Variants in ESRRA observed in about 807,000 individuals in gnomAD.
The protein encoded by ESRRA is estrogen related receptor alpha, also known as steroid hormone receptor ERR1.
In ESRRA, 7 loss-of-function variants were observed where a neutral mutation model predicts 35.6. The ratio of observed to expected loss-of-function variants is 0.20; its 90% CI spans 0.11 to 0.37. The LOEUF (loss-of-function observed/expected upper bound fraction) is 0.37. ESRRA is among the 10% of genes least tolerant of loss of function. The probability of loss-of-function intolerance (pLI) is 1.00; values close to 1 mark genes in which losing one functional copy is unlikely to be tolerated. For synonymous variants in ESRRA, 223 were observed against 246.9 expected, an observed-to-expected ratio of 0.90 and a Z score of 0.91; for missense variants, 378 against 561.7, an observed-to-expected ratio of 0.67 and a Z score of 3.31.
Position 64,316,276 on chromosome 11 carries a change from A to G in ESRRA, c.*310A>G, listed in dbSNP as rs887281778. 3.4e-6 allele frequency: 1 copy of G among 297,346 alleles called. No homozygotes were observed. The highest frequency in any genetic ancestry group is 6.4e-6 in the Non-Finnish European group (1 of 157,016). 18.4% of individuals were successfully genotyped at this position (297,346 alleles called of 1,614,324 possible). A position where few individuals can be genotyped will look rare whatever the true frequency, so the allele number is the denominator to read the frequency against. On this transcript the variant is annotated 3_prime_UTR_variant, in exon 7 of 7. Transcript: ENST00000000442. ...CGGGATGCGTGGGAGGCAGAAACCTATCTCAGGGAGGGAAGGGGATGGAGG... is the reference window on the plus strand; with the variant it reads ...CGGGATGCGTGGGAGGCAGAAACCTGTCTCAGGGAGGGAAGGGGATGGAGG...
chr11:64,315,909 G>A lies in ESRRA; in HGVS notation c.1215G>A (p.Glu405=). The A allele has an allele frequency of 6.2e-7, 1 of 1,603,840 alleles. No homozygotes were observed. The highest frequency in any genetic ancestry group is 8.5e-7 in the Non-Finnish European group (1 of 1,173,992). ...CCCATTTCTATGGGGTGAAGCTGGAGGGCAAGGTGCCCATGCACAAGCTGT... is the reference window on the plus strand; with the variant it reads ...CCCATTTCTATGGGGTGAAGCTGGAAGGCAAGGTGCCCATGCACAAGCTGT... ...VLAHFYGVKL[E]GKVPMHKLFL... The change falls in exon 7 of 7, where the codon GAG becomes GAA. Residue 405 remains glutamate, a synonymous_variant. Transcript: ENST00000000442.
At chr11:64,314,711 C>T (rs1248812836) in intron 4 of ESRRA, 30 bp from the exon 5 acceptor site, 2 of 1,597,152 alleles carry the variant, frequency 1.3e-6, no homozygotes, top group Non-Finnish European at 1.7e-6. Flanking sequence ...GATTCGAGTG[C>T]TCCTGACTCT....
chr11:64,311,109 G>A (rs41294396), intron 2 of ESRRA, among the ~76,000 whole-genome samples: 18,271 of 152,262 alleles, frequency 0.12, 1,390 homozygotes, highest in Middle Eastern at 0.16. Context: ...ACCCAACTCT[G>A]TGGGGCACTT....
intron 2 of ESRRA, among the ~76,000 whole-genome samples, chr11:64,310,303 C>T (rs1259739174): frequency 2.0e-5 from 3 of 149,186 alleles, no homozygotes; most frequent in Admixed American, 6.7e-5. Context: ...GGCACGATCT[C>T]GGCTCACTGC....
intron 2 of ESRRA, among the ~76,000 whole-genome samples, chr11:64,312,595 G>A (rs2035163220): frequency 6.6e-6 from 1 of 152,252 alleles, no homozygotes; most frequent in Non-Finnish European, 1.5e-5. Flanking sequence ...CCATGTGCCA[G>A]GCCTCGTTGC....
chr11:64,307,787 G>A (rs1162400644), intron 2 of ESRRA, among the ~76,000 whole-genome samples: 3 of 152,260 alleles, frequency 2.0e-5, no homozygotes, highest in South Asian at 2.1e-4. Context: ...GCCTCTGTCT[G>A]TTCCTAAGCT....
Position 64,314,866 on chromosome 11 carries a change from G to T in ESRRA, c.697G>T (p.Asp233Tyr). ...PAVATLCDLF[D>Y]REIVVTISWA... ...CGTGGCTACCCTCTGTGACCTCTTT[G>T]ACCGAGAGATTGTGGTCACCATCAG... The change falls in exon 5 of 7, where the codon GAC becomes TAC. Residue 233 changes from aspartate to tyrosine, a missense_variant. Asp to Tyr is a radical substitution (Grantham distance 160). Transcript: ENST00000000442. The T allele has an allele frequency of 6.2e-7, 1 of 1,612,410 alleles. No homozygotes were observed. The highest frequency in any genetic ancestry group is 8.5e-7 in the Non-Finnish European group (1 of 1,180,018).
Position 64,305,956 on chromosome 11 carries a change from G to T in ESRRA, c.-13+220G>T, listed in dbSNP as rs1311568713. 6.6e-6 allele frequency among the ~76,000 whole-genome samples: 1 copy of T among 152,006 alleles called. No individual in the cohort carries two copies. On this transcript the variant is annotated intron_variant, in intron 1 of 6. Coordinates refer to ENST00000000442, the MANE Select transcript of ESRRA (RefSeq NM_004451.5). The surrounding 1 kb of genome is among the most constrained non-coding windows in gnomAD (Gnocchi z 5.8). ...GTGGGCCGGCCTGGGGCAGGATCTG[G>T]CTCTGGCTGCGGGTCCTGACTCGGG...
intron 2 of ESRRA, among the ~76,000 whole-genome samples, chr11:64,309,932 C>CAAAAAAA (rs35187370): frequency 1.3e-5 from 1 of 74,558 alleles, no homozygotes; most frequent in Non-Finnish European, 2.9e-5. Context: ...GAGTTCGTAT[C>CAAAAAAA]AAAAAAAAAA....
Position 64,313,696 on chromosome 11 carries a change from G to C in ESRRA, c.326-255G>C, listed in dbSNP as rs2035184164. The C allele has an allele frequency of 4.6e-6, 2 of 439,468 alleles. No homozygotes were observed. Among genetic ancestry groups the C allele is most frequent in the Non-Finnish European group, 8.2e-6 (2 of 244,868 alleles). 27.2% of individuals were successfully genotyped at this position (439,468 alleles called of 1,614,324 possible). On this transcript the variant is annotated intron_variant, in intron 2 of 6. Transcript: ENST00000000442. This position sits in a 1 kb window ranked among gnomAD's most constrained non-coding sequence, Gnocchi z 4.0. Reference sequence around the variant, plus strand: ...TGTGGCCCTTGATGTCGGCAGATGAGGGCAGTGTGGTCCAGAGATGAGGCT... The same window carrying C: ...TGTGGCCCTTGATGTCGGCAGATGACGGCAGTGTGGTCCAGAGATGAGGCT...
chr11:64,310,536 GTTTTTTTTT>G (rs1185768710), intron 2 of ESRRA, among the ~76,000 whole-genome samples: 1 of 100,496 alleles, frequency 1.0e-5, no homozygotes, highest in Non-Finnish European at 1.9e-5. Flanking sequence ...TCCTGGCCAG[GTTTTTTTTT>G]TTTTTTTTTT....
chr11:64,316,093 C>G lies in ESRRA; in HGVS notation c.*127C>G. 8.5e-7 allele frequency: 1 copy of G among 1,181,044 alleles called. No individual in the cohort carries two copies. Among genetic ancestry groups the G allele is most frequent in the Non-Finnish European group, 1.2e-6 (1 of 841,750 alleles). 73.2% of individuals were successfully genotyped at this position (1,181,044 alleles called of 1,614,324 possible). ...GCTGGCAGGGCCAGGGCAATGCCATCAGCCCCTGGGAACAGGCCCCACGCC... is the reference window on the plus strand; with the variant it reads ...GCTGGCAGGGCCAGGGCAATGCCATGAGCCCCTGGGAACAGGCCCCACGCC... On this transcript the variant is annotated 3_prime_UTR_variant, in exon 7 of 7. Coordinates refer to ENST00000000442, the MANE Select transcript of ESRRA (RefSeq NM_004451.5).
chr11:64,308,815 CAAAA>C (rs1265755324), intron 2 of ESRRA, among the ~76,000 whole-genome samples: 1 of 58,754 alleles, frequency 1.7e-5, no homozygotes. Context: ...GACTCCGTCT[CAAAA>C]AAAAAAAAAA....
chr11:64,314,779 G>A lies in ESRRA; in HGVS notation c.610G>A (p.Val204Ile). 6.2e-7 allele frequency: 1 copy of A among 1,612,250 alleles called. No individual in the cohort carries two copies. The highest frequency in any genetic ancestry group is 1.3e-5 in the African/African-American group (1 of 75,014). ...VNALVSHLLV[V>I]EPEKLYAMPD... ...TGCACTGGTGTCTCATCTGCTGGTGGTTGAGCCTGAGAAGCTCTATGCCAT... is the reference window on the plus strand; with the variant it reads ...TGCACTGGTGTCTCATCTGCTGGTGATTGAGCCTGAGAAGCTCTATGCCAT... The change falls in exon 5 of 7, where the codon GTT (valine) becomes ATT (isoleucine). Residue 204 changes from valine to isoleucine, a missense_variant. Physicochemically the swap from Val to Ile is conservative, Grantham distance 29 (BLOSUM62 3). This residue lies in a region of ESRRA where 284 missense variants were observed against 411.7 expected (regional missense o/e 0.69). Transcript: ENST00000000442.
chr11:64,314,840 C>T lies in ESRRA; in HGVS notation c.671C>T (p.Ala224Val). 1.9e-6 allele frequency: 3 copies of T among 1,612,416 alleles called. No homozygotes were observed. The highest frequency in any genetic ancestry group is 2.5e-6 in the Non-Finnish European group (3 of 1,180,036). The part of the protein sequence containing the change: ...DPAGPDGHLP[A>V]VATLCDLFDR... ...GCAGGCCCTGATGGGCACCTCCCAG[C>T]CGTGGCTACCCTCTGTGACCTCTTT... The change falls in exon 5 of 7, where the codon GCC becomes GTC. Residue 224 changes from alanine (A) to valine (V), a missense_variant. Around this residue, in one of 4 missense-constraint regions of ESRRA, gnomAD observed 284 missense variants for 411.7 expected, o/e 0.69. Coordinates refer to ENST00000000442, the MANE Select transcript of ESRRA (RefSeq NM_004451.5).
At position 64,315,224 on chromosome 11, in the gene ESRRA, G is replaced by C. The variant is rs1311675728; in HGVS notation, c.966G>C (p.Glu322Asp). ...GGCGGCTGCAGGCCCTGCGGCTGGAGCGAGAGGAGTATGTTCTACTAAAGG... is the reference window on the plus strand; with the variant it reads ...GGCGGCTGCAGGCCCTGCGGCTGGACCGAGAGGAGTATGTTCTACTAAAGG... ...LVRRLQALRL[E>D]REEYVLLKAL... The change falls in exon 6 of 7, where the codon GAG becomes GAC. Residue 322 changes from glutamate to aspartate, a missense_variant. Glu to Asp is a conservative substitution (Grantham distance 45). Around this residue, in one of 4 missense-constraint regions of ESRRA, gnomAD observed 284 missense variants for 411.7 expected, o/e 0.69. Transcript: ENST00000000442. 4 of 1,605,538 alleles carry C rather than the reference G, an allele frequency of 2.5e-6. No homozygotes were observed. The Admixed American group carries it at 6.7e-5, about 27-fold the overall frequency.
chr11:64,315,809 G>C lies in ESRRA; in HGVS notation c.1115G>C (p.Gly372Ala), dbSNP rs1485502805. ...YEAGRAGPGG[G>A]AERRRAGRLL... The stretch of plus-strand genomic sequence containing the variant: ...GCCGGCCGGGCTGGCCCCGGAGGGG[G>C]TGCTGAGCGGCGGCGGGCGGGCAGG... The change falls in exon 7 of 7, where the codon GGT becomes GCT. Residue 372 changes from glycine to alanine, a missense_variant. Gly to Ala is a moderately conservative substitution (Grantham distance 60, BLOSUM62 0). Around this residue, in one of 4 missense-constraint regions of ESRRA, gnomAD observed 284 missense variants for 411.7 expected, o/e 0.69. Transcript: ENST00000000442. 5.0e-6 allele frequency: 8 copies of C among 1,612,526 alleles called. No homozygotes were observed. The highest frequency in any genetic ancestry group is 5.9e-6 in the Non-Finnish European group (7 of 1,179,226).
chr11:64,309,932 C>CAAAA (rs35187370), intron 2 of ESRRA, among the ~76,000 whole-genome samples: 9 of 74,548 alleles, frequency 1.2e-4, no homozygotes, highest in Non-Finnish European at 1.5e-4. Context: ...GAGTTCGTAT[C>CAAAA]AAAAAAAAAA....
intron 2 of ESRRA, among the ~76,000 whole-genome samples, chr11:64,308,343 C>T (rs2035074147): frequency 6.6e-6 from 1 of 150,546 alleles, no homozygotes; most frequent in Non-Finnish European, 1.5e-5. Flanking sequence ...GGTGAAACCG[C>T]ATCTCTACTA....
Sources: gnomAD v4.1 joint callset for allele counts (sites outside exome capture counted in the v4.1 genomes callset) on GRCh38, gnomAD v4.1.1 for gene constraint, gnomAD v4.1.1 regional missense constraint, Gnocchi (gnomAD v3.1) non-coding constraint, MANE v1.5 for transcripts, NCBI Gene and HGNC (gene_info 2026-07-23, HGNC 2026-07-21) for gene names.